The following ARHGEF10L variants were observed in gnomAD, a reference collection of about 807,000 sequenced individuals.
The protein encoded by ARHGEF10L is rho guanine nucleotide exchange factor 10-like protein.
Under a neutral mutation model 141.2 loss-of-function variants are expected in ARHGEF10L, and 69 were observed. The ratio of observed to expected loss-of-function variants is 0.49; its 90% CI spans 0.40 to 0.60. The LOEUF (loss-of-function observed/expected upper bound fraction) is 0.60. Among genes scored for constraint, ARHGEF10L ranks in the 20% least tolerant of loss-of-function variants. The probability of loss-of-function intolerance (pLI) is 0.00; values close to 1 mark genes in which losing one functional copy is unlikely to be tolerated. For missense variants in ARHGEF10L, 1,482 were observed against 1,734.3 expected (o/e 0.85, Z 2.58); for synonymous variants, 711 against 718.5 (o/e 0.99, Z 0.17).
Position 17,635,055 on chromosome 1 carries a change from C to T in ARHGEF10L, c.1927+39C>T, listed in dbSNP as rs370019813. The T allele has an allele frequency of 8.1e-4, 1,297 of 1,608,734 alleles. 2 individuals carry two copies. The highest frequency in any genetic ancestry group is 1.0e-3 in the Admixed American group (61 of 59,346). On this transcript the variant is annotated intron_variant, in intron 18 of 28. Transcript: ENST00000361221. ...CTCTGTGCCCTGCGTTCGTCACCCT[C>T]GCCCTCACCAGCCACAGCCTGGGCT...
chr1:17,649,013 G>A (rs1248347234), intron 22 of ARHGEF10L, among the ~76,000 whole-genome samples: 3 of 152,232 alleles, frequency 2.0e-5, no homozygotes, highest in Non-Finnish European at 4.4e-5. Context: ...GGTGCTTTGT[G>A]GTTCGCCAGG....
At chr1:17,675,992 G>GTA (rs2063665317) in intron 26 of ARHGEF10L, among the ~76,000 whole-genome samples, 1 of 150,254 alleles carries the variant, frequency 6.7e-6, no homozygotes, top group African/African-American at 2.5e-5. Context: ...GCAGGTGTGT[G>GTA]CAGGTGTGGG....
At position 17,653,781 on chromosome 1, in the gene ARHGEF10L, G is replaced by T. The variant is rs192762810; in HGVS notation, c.2395-855G>T. ...GCCCTCACTCTGCCACTAACATGCT[G>T]TGTGACATTGAGCCAGGCACGCCTC... On this transcript the variant is annotated intron_variant, in intron 22 of 28. Transcript: ENST00000361221. Among the ~76,000 whole-genome samples, 429 of 152,366 alleles carry T rather than the reference G, an allele frequency of 2.8e-3. 2 individuals are homozygous for T. Among genetic ancestry groups the T allele is most frequent in the Non-Finnish European group, 4.0e-3 (272 of 68,036 alleles).
chr1:17,574,989 G>A (rs1380773772), intron 1 of ARHGEF10L, among the ~76,000 whole-genome samples: 1 of 152,224 alleles, frequency 6.6e-6, no homozygotes, highest in Non-Finnish European at 1.5e-5. Flanking sequence ...CACACAAGCA[G>A]CTCCCCAGGT....
At chr1:17,604,717 G>GT (rs770828021) in intron 6 of ARHGEF10L, 1 of 152,270 alleles carries the variant, frequency 6.6e-6, no homozygotes, top group Non-Finnish European at 1.5e-5. Flanking sequence ...ACATTTTCCT[G>GT]TTTGTAGCTC....
chr1:17,536,941 C>T (rs1268097914), upstream of ARHGEF10L, among the ~76,000 whole-genome samples: 1 of 152,124 alleles, frequency 6.6e-6, no homozygotes, highest in Non-Finnish European at 1.5e-5. Context: ...GGGATCATGG[C>T]TCACTGCAGC....
At chr1:17,588,880 G>GTGTGTGTGTGTGTC (rs1553181487) in intron 4 of ARHGEF10L, among the ~76,000 whole-genome samples, 84 of 74,530 alleles carry the variant, frequency 1.1e-3, no homozygotes, top group African/African-American at 5.3e-3. Context: ...GTGTGTGTGT[G>GTGTGTGTGTGTGTC]TGTGTGTGTG....
intron 2 of ARHGEF10L, 93 bp from the exon 3 acceptor site, chr1:17,587,367 C>A: frequency 7.6e-7 from 1 of 1,314,174 alleles, no homozygotes; most frequent in Non-Finnish European, 1.0e-6. Flanking sequence ...GAGGTGCTCA[C>A]CCAGTTCCAG....
chr1:17,606,600 C>CT lies in ARHGEF10L; in HGVS notation c.434-1187dup, dbSNP rs35330278. Among the ~76,000 whole-genome samples, 525 of 144,060 alleles carry CT rather than the reference C, an allele frequency of 3.6e-3. 1 individual carries two copies. Among genetic ancestry groups the CT allele is most frequent in the African/African-American group, 6.1e-3 (240 of 39,552 alleles). The allele number at this position is 144,060 out of a possible 152,430, so 94.5% of individuals were successfully genotyped here. On this transcript the variant is annotated intron_variant, in intron 6 of 28. Transcript: ENST00000361221. Reference sequence around the variant, plus strand: ...TGAGCCACCGCGACCAGTCAGATTCCTTTTTTTTTTTTTTTAAAAAAACAC... The same window carrying CT: ...TGAGCCACCGCGACCAGTCAGATTCCTTTTTTTTTTTTTTTTAAAAAAACAC...
intron 7 of ARHGEF10L, among the ~76,000 whole-genome samples, chr1:17,611,850 C>A (rs532990339): frequency 2.0e-5 from 3 of 152,238 alleles, no homozygotes; most frequent in Non-Finnish European, 4.4e-5. Context: ...CTTCTGTCTA[C>A]TTCTCTAGAA....
chr1:17,673,507 C>A lies in ARHGEF10L; in HGVS notation c.3009+8912C>A, dbSNP rs992292951. On this transcript the variant is annotated intron_variant, in intron 26 of 28. Coordinates refer to ENST00000361221, the MANE Select transcript of ARHGEF10L (RefSeq NM_018125.4). The surrounding 1 kb of genome is among the most constrained non-coding windows in gnomAD (Gnocchi z 4.1). The stretch of plus-strand genomic sequence containing the variant: ...GGGTGTAATTAGGGAGGCTCCCTCC[C>A]TGGGTGGTTGGGAAGAATGAATGAG... Among the ~76,000 whole-genome samples, 3 of 152,180 alleles carry A rather than the reference C, an allele frequency of 2.0e-5. No homozygotes were observed. Among genetic ancestry groups the A allele is most frequent in the African/African-American group, 7.2e-5 (3 of 41,436 alleles).
intron 1 of ARHGEF10L, among the ~76,000 whole-genome samples, chr1:17,564,576 C>T (rs1215934270): frequency 6.6e-6 from 1 of 152,172 alleles, no homozygotes; most frequent in African/African-American, 2.4e-5. Flanking sequence ...ACTGTAGGGG[C>T]TCAAGACACA....
chr1:17,619,275 T>C lies in ARHGEF10L; in HGVS notation c.836-64T>C. On this transcript the variant is annotated intron_variant, in intron 9 of 28. Coordinates refer to ENST00000361221, the MANE Select transcript of ARHGEF10L (RefSeq NM_018125.4). This position sits in a 1 kb window ranked among gnomAD's most constrained non-coding sequence, Gnocchi z 5.0. ...CTGGTCTAGGGGGGCTCTCAGCTCC[T>C]GAGGCCTGAGCAGGGTGTGCTGTCC... 6.6e-7 allele frequency: 1 copy of C among 1,505,952 alleles called. No individual in the cohort carries two copies. 93.3% of individuals were successfully genotyped at this position (1,505,952 alleles called of 1,614,324 possible).
intron 26 of ARHGEF10L, among the ~76,000 whole-genome samples, chr1:17,681,940 T>G (rs566400406): frequency 6.6e-6 from 1 of 152,226 alleles, no homozygotes; most frequent in Admixed American, 6.5e-5. Flanking sequence ...GAGATTCACC[T>G]GACCCCACTC....
At position 17,637,884 on chromosome 1, in the gene ARHGEF10L, C is replaced by T. The variant is rs1035627120; in HGVS notation, c.1928-4C>T. On this transcript the variant is annotated splice_polypyrimidine_tract_variant and splice_region_variant and intron_variant, in intron 18 of 28. Coordinates refer to ENST00000361221, the MANE Select transcript of ARHGEF10L (RefSeq NM_018125.4). ...GTGCCTGAGTTGGTCTCTTCTCTGC[C>T]CAGATAAGGTGTACCTCGGCCCCCC... 16 of 1,580,976 alleles carry T rather than the reference C, an allele frequency of 1.0e-5. No homozygotes were observed. Among genetic ancestry groups the T allele is most frequent in the Non-Finnish European group, 1.4e-5 (16 of 1,162,934 alleles).
Position 17,654,498 on chromosome 1 carries a change from G to A in ARHGEF10L, c.2395-138G>A. The stretch of plus-strand genomic sequence containing the variant: ...ACTGCCTGGAGAAGCAGGCACTCGT[G>A]AAGCATGTTGCTTTCCTGGCCCCCA... On this transcript the variant is annotated intron_variant, in intron 22 of 28. Transcript: ENST00000361221. The surrounding 1 kb of genome is among the most constrained non-coding windows in gnomAD (Gnocchi z 4.3). 9.0e-6 allele frequency: 7 copies of A among 776,098 alleles called. No individual in the cohort carries two copies. The highest frequency in any genetic ancestry group is 2.8e-5 in the South Asian group (2 of 70,536). 48.1% of individuals were successfully genotyped at this position (776,098 alleles called of 1,614,324 possible).
At position 17,632,331 on chromosome 1, in the gene ARHGEF10L, C is replaced by T. The variant is rs768745907; in HGVS notation, c.1595C>T (p.Ser532Leu). ...CTGCCCCTCCTCCAGCTGTTGACCT[C>T]AGGCCAGCGGCAGCTGCTCCTGTGT... ...DRSSLNKLLT[S>L]GQRQLLLCET... is the part of the protein sequence containing the mutation. The change falls in exon 16 of 29, where the codon TCA becomes TTA. Residue 532 changes from serine (S) to leucine (L), a missense_variant. Ser to Leu is a moderately radical substitution (Grantham distance 145). Transcript: ENST00000361221. 1.2e-6 allele frequency: 2 copies of T among 1,614,044 alleles called. No individual in the cohort carries two copies. Among genetic ancestry groups the T allele is most frequent in the South Asian group, 2.2e-5 (2 of 91,072 alleles).
intron 26 of ARHGEF10L, among the ~76,000 whole-genome samples, chr1:17,684,240 T>G (rs944110793): frequency 6.6e-6 from 1 of 152,232 alleles, no homozygotes; most frequent in Non-Finnish European, 1.5e-5. Flanking sequence ...GTTTCCTTCC[T>G]CCTGGATTCC....
chr1:17,515,838 C>T, the ARHGEF10L span, among the ~76,000 whole-genome samples: 1 of 152,082 alleles, frequency 6.6e-6, no homozygotes, highest in African/African-American at 2.4e-5. Context: ...AGACAGGGTT[C>T]TGCATGTGGC....
Sources: allele counts gnomAD v4.1 joint callset (sites outside exome capture counted in the v4.1 genomes callset), GRCh38; gene constraint gnomAD v4.1.1; non-coding constraint Gnocchi (gnomAD v3.1); transcripts MANE v1.5; gene names NCBI Gene and HGNC (gene_info 2026-07-23, HGNC 2026-07-21).